PLCB4: variants seen among roughly 807,000 people sequenced by gnomAD.
PLCB4 encodes phospholipase C beta 4.
Under a neutral mutation model 178.8 loss-of-function variants are expected in PLCB4, and 77 were observed. The ratio of observed to expected loss-of-function variants is 0.43; its 90% CI spans 0.36 to 0.52. The LOEUF is 0.52. Ranked by LOEUF, PLCB4 falls within the 20% of genes least tolerant of loss-of-function variation. PLCB4 has a pLI of 0.00. For synonymous variants in PLCB4, 496 were observed against 490.8 expected (o/e 1.01, Z -0.14); for missense variants, 1,024 against 1,453.4 (o/e 0.70, Z 4.80).
In PLCB4 at chr20:9,108,925, G is replaced by A. The variant is rs202124905; in HGVS notation, c.-79+12583G>A. Reference sequence around the variant, plus strand: ...AGAGAGAGAGAGAGAGAGAGAGAGAGAAAGAGAGAGAGGAGAAAGGGGTAG... The same window carrying A: ...AGAGAGAGAGAGAGAGAGAGAGAGAAAAAGAGAGAGAGGAGAAAGGGGTAG... On this transcript the variant is annotated intron_variant, in intron 2 of 39. Coordinates refer to ENST00000378473, the MANE Select transcript of PLCB4 (RefSeq NM_001377142.1). Among the ~76,000 whole-genome samples the A allele has an allele frequency of 3.0e-5, 4 of 134,280 alleles. No homozygotes were observed. The East Asian group carries it at 7.0e-4, about 24-fold the overall frequency. The allele number at this position is 134,280 out of a possible 152,430, so 88.1% of individuals were successfully genotyped here.
At chr20:9,102,838 G>A (rs1488082076) in intron 2 of PLCB4, among the ~76,000 whole-genome samples, 1 of 152,068 alleles carries the variant, frequency 6.6e-6, no homozygotes, top group Non-Finnish European at 1.5e-5. Flanking sequence ...ATGTTCTCTG[G>A]GGTTTAAAGG....
At chr20:9,145,509 C>CTTT (rs59068139) in intron 2 of PLCB4, among the ~76,000 whole-genome samples, 2 of 142,692 alleles carry the variant, frequency 1.4e-5, no homozygotes, top group African/African-American at 5.1e-5. Context: ...TATCAAAGTT[C>CTTT]TTTTTTTTTT....
At chr20:9,191,091 A>AGAGACAG (rs1264519127) in intron 2 of PLCB4, among the ~76,000 whole-genome samples, 2 of 152,244 alleles carry the variant, frequency 1.3e-5, no homozygotes, top group African/African-American at 4.8e-5. Context: ...ATTTCAAAGC[A>AGAGACAG]GAGACAGTTG....
chr20:9,446,350 G>A (rs1330096057), intron 32 of PLCB4, among the ~76,000 whole-genome samples: 1 of 152,162 alleles, frequency 6.6e-6, no homozygotes, highest in Non-Finnish European at 1.5e-5. Context: ...CAAATGCAGT[G>A]ACAGCACATG....
chr20:9,200,829 A>C (rs535642220), intron 2 of PLCB4, among the ~76,000 whole-genome samples: 1 of 152,224 alleles, frequency 6.6e-6, no homozygotes, highest in Admixed American at 6.5e-5. Context: ...TGCCAAGGCC[A>C]GTTATCTCAA....
At chr20:9,348,570 G>A (rs1422504206) in intron 7 of PLCB4, among the ~76,000 whole-genome samples, 1 of 152,032 alleles carries the variant, frequency 6.6e-6, no homozygotes, top group Non-Finnish European at 1.5e-5. Context: ...CTTGTCCATG[G>A]GGCGAGCTCT....
chr20:9,442,478 G>A (rs2042167765), intron 30 of PLCB4, among the ~76,000 whole-genome samples: 1 of 151,636 alleles, frequency 6.6e-6, no homozygotes, highest in Admixed American at 6.6e-5. Context: ...GGAAGTTTAT[G>A]TTTTTGTAGG....
intron 3 of PLCB4, among the ~76,000 whole-genome samples, chr20:9,258,723 A>G (rs1389912025): frequency 6.6e-6 from 1 of 151,692 alleles, no homozygotes; most frequent in African/African-American, 2.4e-5. Context: ...TCAAAAAAAA[A>G]AAAAAAAAAA....
chr20:9,422,445 G>A (rs2040708927), intron 27 of PLCB4, among the ~76,000 whole-genome samples: 2 of 152,160 alleles, frequency 1.3e-5, no homozygotes, highest in Admixed American at 6.6e-5. Context: ...GCATAGCTGT[G>A]ATTTGGTTTT....
chr20:9,130,593 G>A (rs951248725), intron 2 of PLCB4, among the ~76,000 whole-genome samples: 2 of 152,152 alleles, frequency 1.3e-5, no homozygotes, highest in African/African-American at 4.8e-5. Flanking sequence ...GATGTTTTCT[G>A]TTTTGGACTG....
At chr20:9,388,284 A>G (rs1412741202) in intron 15 of PLCB4, among the ~76,000 whole-genome samples, 1 of 152,248 alleles carries the variant, frequency 6.6e-6, no homozygotes, top group Non-Finnish European at 1.5e-5. Flanking sequence ...TAGACAAATC[A>G]AAAGAATGAA....
At chr20:9,325,386 G>T (rs563636155) in intron 4 of PLCB4, among the ~76,000 whole-genome samples, 1 of 152,230 alleles carries the variant, frequency 6.6e-6, no homozygotes, top group South Asian at 2.1e-4. Context: ...TACTTTGAGT[G>T]ACCACCCACT....
At chr20:9,455,528 A>T (rs1568875021) in intron 33 of PLCB4, among the ~76,000 whole-genome samples, 1 of 152,200 alleles carries the variant, frequency 6.6e-6, no homozygotes, top group East Asian at 1.9e-4. Flanking sequence ...GGTAATTATT[A>T]GAAGTGTCCC....
At chr20:9,464,230 A>G (rs1488663117) in intron 35 of PLCB4, among the ~76,000 whole-genome samples, 2 of 152,232 alleles carry the variant, frequency 1.3e-5, no homozygotes, top group Non-Finnish European at 2.9e-5. Context: ...TTTGAAACCA[A>G]TGAGAACAAA....
Position 9,431,484 on chromosome 20 carries a change from G to T in PLCB4, c.2525-4076G>T, listed in dbSNP as rs2041391799. On this transcript the variant is annotated intron_variant, in intron 28 of 39. Coordinates refer to ENST00000378473, the MANE Select transcript of PLCB4 (RefSeq NM_001377142.1). ...TTAATTTTTATTTTTTATTCTTTAT[G>T]AGACAGAGTCTTGCTCTGTCGCCCA... Among the ~76,000 whole-genome samples, 6 of 151,730 alleles carry T rather than the reference G, an allele frequency of 4.0e-5. No individual in the cohort carries two copies. The South Asian group carries it at 1.3e-3, about 32-fold the overall frequency.
intron 3 of PLCB4, among the ~76,000 whole-genome samples, chr20:9,224,910 T>G (rs988273228): frequency 1.8e-4 from 27 of 152,338 alleles, no homozygotes; most frequent in African/African-American, 6.3e-4. Context: ...CAACATGGGC[T>G]CTGAAACTAG....
intron 3 of PLCB4, among the ~76,000 whole-genome samples, chr20:9,233,064 A>G (rs147991028): frequency 4.2e-4 from 64 of 152,264 alleles, no homozygotes; most frequent in African/African-American, 1.3e-3. Context: ...TGACAATGCC[A>G]AAATGGAAGC....
chr20:9,330,930 G>A (rs143598240), intron 4 of PLCB4, among the ~76,000 whole-genome samples: 32 of 152,240 alleles, frequency 2.1e-4, no homozygotes, highest in African/African-American at 7.5e-4. Flanking sequence ...TCATAAGTAC[G>A]ACCATTTAGT....
intron 3 of PLCB4, among the ~76,000 whole-genome samples, chr20:9,252,967 G>A (rs2094197152): frequency 6.6e-6 from 1 of 152,154 alleles, no homozygotes; most frequent in Non-Finnish European, 1.5e-5. Flanking sequence ...ACAGAAGATT[G>A]TGGGACTTCT....
Sources: allele counts gnomAD v4.1 joint callset (sites outside exome capture counted in the v4.1 genomes callset), GRCh38; gene constraint gnomAD v4.1.1; transcripts MANE v1.5; gene names NCBI Gene and HGNC (gene_info 2026-07-23, HGNC 2026-07-21).